The following CDH13 variants were observed in gnomAD, a reference collection of about 807,000 sequenced individuals.
CDH13 encodes cadherin 13.
CDH13 carries 24 observed loss-of-function variants against 63.8 expected under a neutral mutation model. That is an observed-to-expected ratio of 0.38 (90% CI 0.27 to 0.53). The LOEUF is 0.53. Ranked by LOEUF, CDH13 falls within the 20% of genes least tolerant of loss-of-function variation. The pLI is 0.85. For missense variants in CDH13, 1,049 were observed against 903.1 expected, an observed-to-expected ratio of 1.16 and a Z score of -2.07; for synonymous variants, 503 against 355.3, an observed-to-expected ratio of 1.42 and a Z score of -4.67.
intron 12 of CDH13, among the ~76,000 whole-genome samples, chr16:83,782,772 A>C (rs1173917367): frequency 6.6e-6 from 1 of 151,392 alleles, no homozygotes; most frequent in Non-Finnish European, 1.5e-5. Flanking sequence ...CAAAAAATGT[A>C]GGCTATAGAA....
chr16:83,099,619 G>A (rs4405539), intron 3 of CDH13, among the ~76,000 whole-genome samples: 69,718 of 130,116 alleles, frequency 0.54, 17,116 homozygotes, highest in Middle Eastern at 0.63. Context: ...CCACCGTGCC[G>A]GGCCTCTACA....
intron 1 of CDH13, among the ~76,000 whole-genome samples, chr16:82,722,285 A>G (rs1338855199): frequency 6.6e-6 from 1 of 152,108 alleles, no homozygotes; most frequent in Admixed American, 6.5e-5. Context: ...AATCTTGTTA[A>G]ATGGTTTCTC....
At chr16:83,774,637 G>A (rs62045372) in intron 11 of CDH13, among the ~76,000 whole-genome samples, 29,719 of 152,072 alleles carry the variant, frequency 0.2, 3,256 homozygotes, top group Non-Finnish European at 0.25. Flanking sequence ...GCCTCCCAGA[G>A]TGCTAGGATT....
intron 8 of CDH13, among the ~76,000 whole-genome samples, chr16:83,629,946 C>G (rs16961095): frequency 6.6e-6 from 1 of 152,048 alleles, no homozygotes; most frequent in African/African-American, 2.4e-5. Context: ...TAAAAGTCAA[C>G]GTCAGTAACA....
intron 7 of CDH13, among the ~76,000 whole-genome samples, chr16:83,515,465 C>A (rs1196329860): frequency 6.6e-6 from 1 of 152,186 alleles, no homozygotes; most frequent in African/African-American, 2.4e-5. Flanking sequence ...TTCCGTGACA[C>A]AATTGAAGGA....
chr16:83,175,026 G>A (rs2038071380), intron 4 of CDH13, among the ~76,000 whole-genome samples: 1 of 152,074 alleles, frequency 6.6e-6, no homozygotes, highest in Admixed American at 6.6e-5. Context: ...TGGGGACACA[G>A]AGCCAAACCA....
In CDH13 at chr16:82,904,142, A is replaced by C. The variant is rs75831256; in HGVS notation, c.157+45669A>C. ...AGAGTGAGATTTAAAGAAGAAAAAA[A>C]CACCTGTATATAACTTGGCATCTTT... On this transcript the variant is annotated intron_variant, in intron 2 of 13. Transcript: ENST00000567109. 2.6e-5 allele frequency among the ~76,000 whole-genome samples: 4 copies of C among 152,314 alleles called. No homozygotes were observed. The East Asian group carries it at 7.7e-4, about 29-fold the overall frequency.
intron 1 of CDH13, among the ~76,000 whole-genome samples, chr16:82,671,846 A>C (rs1380431774): frequency 6.6e-6 from 1 of 152,196 alleles, no homozygotes; most frequent in Non-Finnish European, 1.5e-5. Flanking sequence ...CATGGGGCAG[A>C]TATGTCCAAG....
chr16:83,133,547 GGAATGCAGTGGCGTGATCTGTGC>G (rs1383591607), intron 4 of CDH13, among the ~76,000 whole-genome samples: 1 of 152,088 alleles, frequency 6.6e-6, no homozygotes, highest in Non-Finnish European at 1.5e-5. Context: ...CACCCACACT[GGAATGCAGTGGCGTGATCTGTGC>G]TCACTGCAAC....
intron 2 of CDH13, chr16:82,858,974 C>G (rs902873646): frequency 6.4e-6 from 1 of 156,048 alleles, no homozygotes; most frequent in Non-Finnish European, 1.4e-5. Context: ...GATTCAAAAC[C>G]TCTACTGATT....
At chr16:83,323,093 C>T (rs2090266787) in intron 5 of CDH13, among the ~76,000 whole-genome samples, 2 of 151,882 alleles carry the variant, frequency 1.3e-5, no homozygotes, top group Non-Finnish European at 1.5e-5. Flanking sequence ...GCCCACGGTC[C>T]CAGAATCAAT....
chr16:83,180,823 A>G (rs1473525508), intron 4 of CDH13: 8 of 1,339,090 alleles, frequency 6.0e-6, no homozygotes, highest in Non-Finnish European at 8.2e-6. Context: ...TGGCTTGTTT[A>G]TTTTAATCCC....
chr16:83,128,443 T>G (rs2035905811), intron 4 of CDH13, among the ~76,000 whole-genome samples: 1 of 152,192 alleles, frequency 6.6e-6, no homozygotes, highest in African/African-American at 2.4e-5. Context: ...CACACTCAAA[T>G]TTACAGAGGG....
At chr16:83,780,505 TA>T (rs1915443261) in intron 12 of CDH13, among the ~76,000 whole-genome samples, 2 of 152,226 alleles carry the variant, frequency 1.3e-5, no homozygotes, top group African/African-American at 4.8e-5. Context: ...ATAACTCCAA[TA>T]TTCTATCTTT....
intron 6 of CDH13, among the ~76,000 whole-genome samples, chr16:83,391,072 A>C (rs1201857040): frequency 6.6e-6 from 1 of 152,200 alleles, no homozygotes; most frequent in Non-Finnish European, 1.5e-5. Flanking sequence ...CCAATGACTC[A>C]GGCCCGAGTG....
intron 3 of CDH13, among the ~76,000 whole-genome samples, chr16:83,051,140 A>C (rs547035339): frequency 1.3e-5 from 2 of 152,308 alleles, no homozygotes; most frequent in South Asian, 2.1e-4. Context: ...TGATCATATC[A>C]TGCCCTCTTC....
intron 11 of CDH13, among the ~76,000 whole-genome samples, chr16:83,777,130 A>T (rs1159274591): frequency 6.6e-6 from 1 of 152,172 alleles, no homozygotes; most frequent in East Asian, 1.9e-4. Context: ...CTCTTCATCC[A>T]TGGCTGGTCC....
At chr16:82,643,441 A>G (rs1909669365) in intron 1 of CDH13, among the ~76,000 whole-genome samples, 1 of 152,200 alleles carries the variant, frequency 6.6e-6, no homozygotes. Flanking sequence ...ATGTTGAGAA[A>G]CTTGGGGCTG....
intron 5 of CDH13, among the ~76,000 whole-genome samples, chr16:83,339,899 G>T (rs1378767340): frequency 6.6e-6 from 1 of 152,084 alleles, no homozygotes; most frequent in African/African-American, 2.4e-5. Flanking sequence ...TGATCCATAG[G>T]CCCACTGTGA....
Sources: gnomAD v4.1 joint callset for allele counts (sites outside exome capture counted in the v4.1 genomes callset) on GRCh38, gnomAD v4.1.1 for gene constraint, MANE v1.5 for transcripts, NCBI Gene and HGNC (gene_info 2026-07-23, HGNC 2026-07-21) for gene names.